Variants in ZPBP observed in about 807,000 individuals in gnomAD.
ZPBP encodes the protein zona pellucida binding protein, also known as zona pellucida-binding protein 1.
Under a neutral mutation model 44.8 loss-of-function variants are expected in ZPBP, and 26 were observed. That is an observed-to-expected ratio of 0.58 (90% confidence interval 0.43 to 0.81). ZPBP has a LOEUF of 0.81. Ranked by LOEUF, ZPBP falls within the 30% of genes least tolerant of loss-of-function variation. ZPBP has a pLI of 0.00. For synonymous variants in ZPBP, 174 were observed against 153.2 expected, an observed-to-expected ratio of 1.14 and a Z score of -1.00; for missense variants, 409 against 434.0, an observed-to-expected ratio of 0.94 and a Z score of 0.51.
chr7:50,052,782 G>T (rs1800757158), intron 4 of ZPBP, among the ~76,000 whole-genome samples: 1 of 152,062 alleles, frequency 6.6e-6, no homozygotes, highest in Non-Finnish European at 1.5e-5. Context: ...GAAAGAGTGT[G>T]TGATAGATGC....
At chr7:49,932,260 T>C (rs1184181813) in intron 1 of ZPBP, among the ~76,000 whole-genome samples, 1 of 152,172 alleles carries the variant, frequency 6.6e-6, no homozygotes, top group Non-Finnish European at 1.5e-5. Flanking sequence ...ACCAACAGAT[T>C]GCACCATGCA....
intron 3 of ZPBP, among the ~76,000 whole-genome samples, chr7:50,081,104 G>T (rs1319006356): frequency 1.3e-5 from 2 of 151,618 alleles, no homozygotes; most frequent in Non-Finnish European, 3.0e-5. Context: ...TGTTTCTTTA[G>T]CAAGTCTTTG....
At chr7:49,857,629 TA>T (rs1306865203) in intron 2 of ZPBP, among the ~76,000 whole-genome samples, 1 of 151,966 alleles carries the variant, frequency 6.6e-6, no homozygotes, top group African/African-American at 2.4e-5. Context: ...AAATGGCTAT[TA>T]ACAAAAATCA....
intron 7 of ZPBP, among the ~76,000 whole-genome samples, chr7:49,977,675 G>C (rs1297773475): frequency 1.3e-5 from 2 of 152,074 alleles, no homozygotes; most frequent in East Asian, 3.8e-4. Context: ...TTTTAAAAAA[G>C]AGAAAGCAAT....
chr7:49,889,421 A>G (rs895674399), intron 2 of ZPBP, among the ~76,000 whole-genome samples: 1 of 152,240 alleles, frequency 6.6e-6, no homozygotes, highest in African/African-American at 2.4e-5. Flanking sequence ...TGAAATTGTT[A>G]TGCCTCAAAT....
chr7:50,067,608 A>G (rs796377527), intron 3 of ZPBP, among the ~76,000 whole-genome samples: 3 of 152,166 alleles, frequency 2.0e-5, no homozygotes, highest in Non-Finnish European at 4.4e-5. Context: ...GTCCTTGAGG[A>G]GCTGATCTGT....
At chr7:49,894,218 A>C (rs1346593739) in intron 2 of ZPBP, among the ~76,000 whole-genome samples, 1 of 152,128 alleles carries the variant, frequency 6.6e-6, no homozygotes, top group Non-Finnish European at 1.5e-5. Flanking sequence ...GTGCAGTAGC[A>C]CAATCACAGC....
chr7:49,924,548 A>G (rs1178079789), intron 1 of ZPBP, among the ~76,000 whole-genome samples: 2 of 152,194 alleles, frequency 1.3e-5, no homozygotes, highest in Non-Finnish European at 2.9e-5. Flanking sequence ...CAAAATTCCA[A>G]GATGGGTGAG....
At chr7:50,007,500 A>G (rs969202405) in intron 6 of ZPBP, among the ~76,000 whole-genome samples, 1 of 152,090 alleles carries the variant, frequency 6.6e-6, no homozygotes, top group Non-Finnish European at 1.5e-5. Flanking sequence ...AAAGTCTCAA[A>G]AACTGTAGAA....
chr7:49,848,076 C>T (rs117560724), downstream of ZPBP, among the ~76,000 whole-genome samples: 21 of 152,288 alleles, frequency 1.4e-4, 1 homozygote, highest in East Asian at 3.7e-3. Flanking sequence ...AGGTCTCAGT[C>T]GCTAATTAGA....
intron 6 of ZPBP, among the ~76,000 whole-genome samples, chr7:50,010,022 G>A (rs1053640301): frequency 2.0e-5 from 3 of 152,056 alleles, no homozygotes; most frequent in African/African-American, 4.8e-5. Context: ...TCATGTTCAT[G>A]GACTGGAAGA....
At chr7:49,944,404 G>C (rs1583887113) in intron 7 of ZPBP, 1 of 189,590 alleles carries the variant, frequency 5.3e-6, no homozygotes, top group South Asian at 1.1e-4. Context: ...CGAAGAGGTT[G>C]ATGATGCACT....
intron 2 of ZPBP, among the ~76,000 whole-genome samples, chr7:49,895,967 T>A (rs1361878969): frequency 3.3e-5 from 5 of 152,160 alleles, no homozygotes; most frequent in Non-Finnish European, 7.3e-5. Context: ...CACCAGGTAG[T>A]CATGAGTGAT....
At chr7:49,949,291 A>G (rs565503424) in intron 7 of ZPBP, among the ~76,000 whole-genome samples, 3 of 152,282 alleles carry the variant, frequency 2.0e-5, no homozygotes, top group East Asian at 3.9e-4. Context: ...TATAGTATAT[A>G]TCTAAAATAA....
intron 2 of ZPBP, among the ~76,000 whole-genome samples, chr7:49,852,923 G>A (rs1348673664): frequency 6.6e-6 from 1 of 152,196 alleles, no homozygotes; most frequent in Non-Finnish European, 1.5e-5. Context: ...GTAACTACAA[G>A]AATGAGTGTG....
intron 2 of ZPBP, among the ~76,000 whole-genome samples, chr7:49,871,863 A>G (rs576324697): frequency 6.7e-6 from 1 of 150,280 alleles, no homozygotes; most frequent in South Asian, 2.3e-4. Flanking sequence ...ATATACATAC[A>G]TATGTGCATA....
chr7:50,049,630 C>G (rs6944097), intron 4 of ZPBP, among the ~76,000 whole-genome samples: 75,491 of 151,794 alleles, frequency 0.5, 19,519 homozygotes, highest in East Asian at 0.67. Flanking sequence ...AAAAACAATC[C>G]TCAAATATAA....
At chr7:50,050,188 A>G (rs1182700863) in intron 4 of ZPBP, among the ~76,000 whole-genome samples, 1 of 152,092 alleles carries the variant, frequency 6.6e-6, no homozygotes, top group South Asian at 2.1e-4. Flanking sequence ...AAATTAATCT[A>G]TAAATTGAAT....
intron 1 of ZPBP, among the ~76,000 whole-genome samples, chr7:49,923,372 C>T (rs1396403240): frequency 1.3e-5 from 2 of 152,170 alleles, no homozygotes; most frequent in Non-Finnish European, 2.9e-5. Flanking sequence ...ATATTCTTAT[C>T]TTTGGATAAG....
Sources: gnomAD v4.1 joint callset for allele counts (sites outside exome capture counted in the v4.1 genomes callset) on GRCh38, gnomAD v4.1.1 for gene constraint, MANE v1.5 for transcripts, NCBI Gene and HGNC (gene_info 2026-07-23, HGNC 2026-07-21) for gene names.